Variants in CIMIP5 observed in about 807,000 individuals in gnomAD.
CIMIP5 encodes uncharacterized protein C2orf50.
chr2:11,151,394 CAG>C, the CIMIP5 span, among the ~76,000 whole-genome samples: 5 of 152,198 alleles, frequency 3.3e-5, no homozygotes, highest in Admixed American at 1.3e-4. Context: ...TGAAGAGAGT[CAG>C]GGGGTGAGGG....
At chr2:11,150,154 G>A in the CIMIP5 span, among the ~76,000 whole-genome samples, 1 of 151,640 alleles carries the variant, frequency 6.6e-6, no homozygotes, top group Non-Finnish European at 1.5e-5. Context: ...CACCATTCTG[G>A]CCGGGCTGGT....
the CIMIP5 span, among the ~76,000 whole-genome samples, chr2:11,151,588 T>C: frequency 6.6e-6 from 1 of 152,242 alleles, no homozygotes; most frequent in African/African-American, 2.4e-5. Flanking sequence ...CAAATCAGTC[T>C]CCCTGAGCAG....
At chr2:11,133,495 C>A in the CIMIP5 span, 2 of 1,608,406 alleles carry the variant, frequency 1.2e-6, no homozygotes. Context: ...GCTCTGAAGG[C>A]GCAGCGGGTG....
the CIMIP5 span, chr2:11,143,815 A>T: frequency 1.0e-6 from 1 of 972,586 alleles, no homozygotes; most frequent in Non-Finnish European, 1.4e-6. Context: ...AATCACCTGG[A>T]GATGCTTCAC....
chr2:11,135,002 AC>A, the CIMIP5 span, among the ~76,000 whole-genome samples: 2 of 152,188 alleles, frequency 1.3e-5, no homozygotes, highest in Non-Finnish European at 2.9e-5. Flanking sequence ...GGTAAGAGGG[AC>A]CAAGAGACAG....
At chr2:11,151,137 A>G in the CIMIP5 span, among the ~76,000 whole-genome samples, 1 of 152,196 alleles carries the variant, frequency 6.6e-6, no homozygotes, top group African/African-American at 2.4e-5. Context: ...TTATCTACCT[A>G]TGACCTGGAA....
the CIMIP5 span, among the ~76,000 whole-genome samples, chr2:11,154,187 A>G: frequency 2.5e-4 from 38 of 152,180 alleles, no homozygotes; most frequent in East Asian, 5.5e-3. Context: ...TATGTTGCTC[A>G]GGCTGGTCTT....
the CIMIP5 span, among the ~76,000 whole-genome samples, chr2:11,134,150 G>A: frequency 4.6e-5 from 7 of 152,248 alleles, no homozygotes; most frequent in East Asian, 1.9e-4. Context: ...GGGCAGAGCC[G>A]GCTGAAGGCC....
the CIMIP5 span, among the ~76,000 whole-genome samples, chr2:11,143,614 C>T: frequency 1.1e-4 from 16 of 151,332 alleles, no homozygotes; most frequent in African/African-American, 3.6e-4. Flanking sequence ...TGTAAAGTGG[C>T]ATCTTAGTCC....
At chr2:11,133,580 C>T in the CIMIP5 span, 1 of 1,598,242 alleles carries the variant, frequency 6.3e-7, no homozygotes, top group Non-Finnish European at 8.5e-7. Flanking sequence ...AGCGGCGGGG[C>T]CAGCAGCGCT....
the CIMIP5 span, among the ~76,000 whole-genome samples, chr2:11,154,292 G>A: frequency 6.6e-6 from 1 of 152,132 alleles, no homozygotes; most frequent in African/African-American, 2.4e-5. Context: ...TCCTTTAAGG[G>A]TTCCCTTCTG....
At chr2:11,151,792 T>G in the CIMIP5 span, among the ~76,000 whole-genome samples, 1 of 152,238 alleles carries the variant, frequency 6.6e-6, no homozygotes, top group Non-Finnish European at 1.5e-5. Flanking sequence ...CAAATCACCA[T>G]GCCTGGCTAA....
the CIMIP5 span, chr2:11,140,454 AT>A: frequency 7.5e-7 from 1 of 1,341,938 alleles, no homozygotes; most frequent in African/African-American, 1.4e-5. Context: ...AGTGAAAGTC[AT>A]TGGTAAAAAT....
chr2:11,141,623 G>A, the CIMIP5 span, among the ~76,000 whole-genome samples: 5 of 152,090 alleles, frequency 3.3e-5, no homozygotes, highest in East Asian at 3.9e-4. Flanking sequence ...TATCTCACCC[G>A]TTATTTTGGT....
the CIMIP5 span, among the ~76,000 whole-genome samples, chr2:11,140,702 G>C: frequency 1.3e-5 from 2 of 152,136 alleles, no homozygotes; most frequent in African/African-American, 4.8e-5. Flanking sequence ...AGGAATGCAG[G>C]GTCCGTTGGA....
the CIMIP5 span, among the ~76,000 whole-genome samples, chr2:11,135,164 A>C: frequency 1.3e-5 from 2 of 152,180 alleles, no homozygotes; most frequent in Non-Finnish European, 1.5e-5. Flanking sequence ...TACCTTCAAC[A>C]CTAGGGATCA....
chr2:11,148,066 G>A, the CIMIP5 span, among the ~76,000 whole-genome samples: 3 of 151,988 alleles, frequency 2.0e-5, no homozygotes, highest in Non-Finnish European at 4.4e-5. Flanking sequence ...TTCAGGAAAG[G>A]AAGAATCAAG....
chr2:11,140,714 A>G, the CIMIP5 span, among the ~76,000 whole-genome samples: 1 of 152,204 alleles, frequency 6.6e-6, no homozygotes, highest in Non-Finnish European at 1.5e-5. Context: ...TCCGTTGGAT[A>G]GAAAACAGTT....
At chr2:11,133,281 GTCTCTCTC>G in the CIMIP5 span, 7 of 1,458,800 alleles carry the variant, frequency 4.8e-6, no homozygotes, top group Admixed American at 4.9e-5. Flanking sequence ...TCAGGCACAG[GTCTCTCTC>G]TCTCTCTCTC....
Sources: gnomAD v4.1 joint callset for allele counts (sites outside exome capture counted in the v4.1 genomes callset) on GRCh38, gnomAD v4.1.1 for gene constraint, MANE v1.5 for transcripts, NCBI Gene and HGNC (gene_info 2026-07-23, HGNC 2026-07-21) for gene names.